The following PDGFC variants were observed in gnomAD, a reference collection of about 807,000 sequenced individuals.
PDGFC encodes the protein platelet-derived growth factor C.
Under a neutral mutation model 35.5 loss-of-function variants are expected in PDGFC, and 12 were observed. The observed-to-expected ratio is 0.34, with a 90% CI of 0.22 to 0.55. The LOEUF (loss-of-function observed/expected upper bound fraction) is 0.55. Ranked by LOEUF, PDGFC falls within the 20% of genes least tolerant of loss-of-function variation. The pLI, the probability that PDGFC is intolerant of heterozygous loss-of-function variation, is 0.91. For missense variants in PDGFC, 322 were observed against 412.4 expected, an observed-to-expected ratio of 0.78 and a Z score of 1.90; for synonymous variants, 159 against 148.8, an observed-to-expected ratio of 1.07 and a Z score of -0.50.
chr4:156,915,832 T>C (rs1440909145), intron 1 of PDGFC, among the ~76,000 whole-genome samples: 6 of 151,898 alleles, frequency 4.0e-5, no homozygotes, highest in African/African-American at 1.2e-4. Context: ...AGCTACCAAC[T>C]CTCTCACAAG....
chr4:156,862,043 C>A (rs867490838), intron 1 of PDGFC, among the ~76,000 whole-genome samples: 1 of 151,622 alleles, frequency 6.6e-6, no homozygotes, highest in Non-Finnish European at 1.5e-5. Flanking sequence ...GAATAAGTTT[C>A]TTCTTGCTAT....
In PDGFC at chr4:156,916,486, A is replaced by G. The variant is rs1261590038; in HGVS notation, c.118+54300T>C. 2.0e-5 allele frequency among the ~76,000 whole-genome samples: 3 copies of G among 152,294 alleles called. No individual in the cohort carries two copies. In the East Asian group the frequency reaches 5.8e-4, roughly 29 times the overall value. On this transcript the variant is annotated intron_variant, in intron 1 of 5. Coordinates refer to ENST00000502773, the MANE Select transcript of PDGFC (RefSeq NM_016205.3). ...CAGACCTTATGTCTTCCTTCTGACA[A>G]GATGTCACATACCTTACTAGGCCCT...
chr4:156,886,630 T>C (rs1247590001), intron 1 of PDGFC: 1 of 152,202 alleles, frequency 6.6e-6, no homozygotes, highest in Non-Finnish European at 1.5e-5. Context: ...CAGTTGAATA[T>C]AATTAATGGT....
chr4:156,845,589 T>G (rs1729307439), intron 2 of PDGFC, among the ~76,000 whole-genome samples: 1 of 151,802 alleles, frequency 6.6e-6, no homozygotes, highest in Admixed American at 6.6e-5. Flanking sequence ...ATAATTATTG[T>G]CTATAGACAT....
intron 1 of PDGFC, among the ~76,000 whole-genome samples, chr4:156,941,017 G>A (rs1237534538): frequency 2.6e-5 from 4 of 152,102 alleles, no homozygotes; most frequent in Non-Finnish European, 1.5e-5. Context: ...ACTATCAATA[G>A]ATATAATGTA....
At chr4:156,862,392 A>G (rs972279470) in intron 1 of PDGFC, among the ~76,000 whole-genome samples, 7 of 152,320 alleles carry the variant, frequency 4.6e-5, no homozygotes, top group African/African-American at 1.7e-4. Flanking sequence ...TGAAGATGAT[A>G]AAGAGAATAA....
chr4:156,782,758 C>G (rs1244477953), intron 3 of PDGFC, among the ~76,000 whole-genome samples: 1 of 152,102 alleles, frequency 6.6e-6, no homozygotes, highest in Non-Finnish European at 1.5e-5. Context: ...AAAGTTGGTA[C>G]GGTCACCTCA....
intron 1 of PDGFC, among the ~76,000 whole-genome samples, chr4:156,931,544 T>C (rs1293540974): frequency 6.6e-6 from 1 of 152,156 alleles, no homozygotes; most frequent in Non-Finnish European, 1.5e-5. Flanking sequence ...CACAGTAATC[T>C]TCAAGAGCAT....
At position 156,945,342 on chromosome 4, in the gene PDGFC, CATATATATATATATATATATATATATAT is replaced by C. The variant is rs201167463; in HGVS notation, c.118+25416_118+25443del. 8.4e-3 allele frequency among the ~76,000 whole-genome samples: 679 copies of C among 81,086 alleles called. 26 individuals carry two copies. The East Asian group carries it at 0.12, about 15-fold the overall frequency. The allele number at this position is 81,086 out of a possible 152,430, so 53.2% of individuals were successfully genotyped here. On this transcript the variant is annotated intron_variant, in intron 1 of 5. Coordinates refer to ENST00000502773, the MANE Select transcript of PDGFC (RefSeq NM_016205.3). ...ATATGTGTATATATACATATACATA[CATATATATATATATATATATATATATAT>C]ATATATATATATATATATATAATCA... is the stretch of plus-strand genomic sequence containing the variant.
chr4:156,820,730 T>C (rs1342474006), intron 2 of PDGFC, among the ~76,000 whole-genome samples: 2 of 152,110 alleles, frequency 1.3e-5, no homozygotes, highest in Non-Finnish European at 2.9e-5. Flanking sequence ...AAAAAAAATA[T>C]ATGATCATAC....
At chr4:156,883,096 A>G (rs902674093) in intron 1 of PDGFC, among the ~76,000 whole-genome samples, 14 of 151,964 alleles carry the variant, frequency 9.2e-5, no homozygotes, top group African/African-American at 2.9e-4. Flanking sequence ...AAAAAAAAAA[A>G]AAAAGAAAAT....
chr4:156,952,910 CA>C (rs1472567138), intron 1 of PDGFC, among the ~76,000 whole-genome samples: 5 of 151,826 alleles, frequency 3.3e-5, no homozygotes, highest in African/African-American at 1.2e-4. Flanking sequence ...GAATATGATA[CA>C]GAAAAGTTTG....
At chr4:156,807,458 AAATCT>A (rs1399213837) in intron 3 of PDGFC, among the ~76,000 whole-genome samples, 1 of 152,032 alleles carries the variant, frequency 6.6e-6, no homozygotes, top group Non-Finnish European at 1.5e-5. Flanking sequence ...TAAATATGTA[AAATCT>A]TTAAATATTA....
At chr4:156,949,215 A>G (rs1732020718) in intron 1 of PDGFC, among the ~76,000 whole-genome samples, 1 of 151,970 alleles carries the variant, frequency 6.6e-6, no homozygotes, top group Non-Finnish European at 1.5e-5. Flanking sequence ...AAATACTCAA[A>G]GCATTTAAAT....
At chr4:156,921,801 T>C (rs1184700557) in intron 1 of PDGFC, among the ~76,000 whole-genome samples, 3 of 152,094 alleles carry the variant, frequency 2.0e-5, no homozygotes, top group African/African-American at 4.8e-5. Flanking sequence ...CTGATGTGCA[T>C]TTCCTTGGTT....
chr4:156,793,349 G>A lies in PDGFC; in HGVS notation c.495+17488C>T, dbSNP rs565647004. 9.2e-5 allele frequency among the ~76,000 whole-genome samples: 14 copies of A among 151,596 alleles called. No individual in the cohort carries two copies. The South Asian group carries it at 2.9e-3, about 32-fold the overall frequency. ...CAGAAAGGGACGTAAAATGACCAAA[G>A]AGCATACTCTTTCATGTACAAATGA... is the stretch of plus-strand genomic sequence containing the variant. On this transcript the variant is annotated intron_variant, in intron 3 of 5. Transcript: ENST00000502773.
chr4:156,801,128 T>A (rs1418141111), intron 3 of PDGFC, among the ~76,000 whole-genome samples: 1 of 152,144 alleles, frequency 6.6e-6, no homozygotes, highest in African/African-American at 2.4e-5. Flanking sequence ...GCATTTCTGA[T>A]GACCAATAGC....
At chr4:156,809,326 G>T (rs1232860413) in intron 3 of PDGFC, among the ~76,000 whole-genome samples, 1 of 152,028 alleles carries the variant, frequency 6.6e-6, no homozygotes, top group Non-Finnish European at 1.5e-5. Context: ...TCTGGTCTCA[G>T]TCACAGTAAA....
intron 1 of PDGFC, among the ~76,000 whole-genome samples, chr4:156,948,435 C>T (rs1386369448): frequency 6.6e-6 from 1 of 151,882 alleles, no homozygotes; most frequent in Non-Finnish European, 1.5e-5. Flanking sequence ...AATTAAGAGC[C>T]AATTTTAAAT....
Sources: gnomAD v4.1 joint callset for allele counts (sites outside exome capture counted in the v4.1 genomes callset) on GRCh38, gnomAD v4.1.1 for gene constraint, MANE v1.5 for transcripts, NCBI Gene and HGNC (gene_info 2026-07-23, HGNC 2026-07-21) for gene names.